The following TUT4 variants were observed in gnomAD, a reference collection of about 807,000 sequenced individuals.
TUT4 encodes the protein terminal uridylyltransferase 4.
TUT4 carries 36 observed loss-of-function variants against 192.2 expected under a neutral mutation model. The observed-to-expected ratio is 0.19, with a 90% CI of 0.14 to 0.25. The LOEUF (loss-of-function observed/expected upper bound fraction) is 0.25. Ranked by LOEUF, TUT4 falls within the 10% of genes least tolerant of loss-of-function variation. The pLI, the probability that TUT4 is intolerant of heterozygous loss-of-function variation, is 1.00. For missense variants in TUT4, 1,493 were observed against 1,957.2 expected (o/e 0.76, Z 4.47); for synonymous variants, 618 against 666.0 (o/e 0.93, Z 1.11).
chr1:52,492,617 A>T (rs1442277348), intron 7 of TUT4, among the ~76,000 whole-genome samples: 1 of 152,244 alleles, frequency 6.6e-6, no homozygotes, highest in East Asian at 1.9e-4. Context: ...CAGAACTAAA[A>T]TCTGAGCCCA....
intron 1 of TUT4, among the ~76,000 whole-genome samples, chr1:52,552,179 G>GTC (rs1689618921): frequency 6.6e-6 from 1 of 152,216 alleles, no homozygotes; most frequent in South Asian, 2.1e-4. Flanking sequence ...ATTCAAGTAC[G>GTC]ACTAGAAATC....
intron 28 of TUT4, among the ~76,000 whole-genome samples, chr1:52,426,949 C>T (rs1650169309): frequency 6.6e-6 from 1 of 151,362 alleles, no homozygotes; most frequent in Non-Finnish European, 1.5e-5. Context: ...TCAGTCCTTC[C>T]ATTTTCAACA....
At chr1:52,509,518 A>T in intron 4 of TUT4, 78 bp downstream of exon 4, 1 of 864,610 alleles carries the variant, frequency 1.2e-6, no homozygotes, top group Non-Finnish European at 1.8e-6. Flanking sequence ...TTTCATTTTT[A>T]GTTTCACAAA....
In TUT4 at chr1:52,446,554, G is replaced by T. The variant is rs755408163; in HGVS notation, c.3513+36C>A. 4 of 1,551,684 alleles carry T rather than the reference G, an allele frequency of 2.6e-6. No individual in the cohort carries two copies. In the South Asian group the frequency reaches 3.6e-5, roughly 14 times the overall value. On this transcript the variant is annotated intron_variant, in intron 21 of 29. Transcript: ENST00000257177. Reference sequence around the variant, plus strand: ...TATACAGATGCTAACATATATCAGTGAGCATTCTAGAACATAAAGACTATT... The same window carrying T: ...TATACAGATGCTAACATATATCAGTTAGCATTCTAGAACATAAAGACTATT...
chr1:52,446,838 C>T (rs1207436219), intron 20 of TUT4, among the ~76,000 whole-genome samples, 171 bp from the exon 21 acceptor site: 1 of 152,076 alleles, frequency 6.6e-6, no homozygotes, highest in African/African-American at 2.4e-5. Flanking sequence ...ATGAATAAAA[C>T]GTATCTGAAA....
chr1:52,472,877 A>G (rs879506450), intron 13 of TUT4, among the ~76,000 whole-genome samples: 3 of 152,132 alleles, frequency 2.0e-5, no homozygotes, highest in African/African-American at 2.4e-5. Flanking sequence ...TCTTTCTCCA[A>G]TGTTAGCCTG....
rs745476686 is a variant in TUT4, at chr1:52,493,611, C to T, written c.1318G>A (p.Val440Ile). Residue 440 changes from valine (V) to isoleucine (I), a missense_variant and splice_region_variant, in exon 7 of 30, where the codon GTA becomes ATA. Coordinates refer to ENST00000257177, the MANE Select transcript of TUT4 (RefSeq NM_001009881.3). ...GAAAAGAAAAAGAAAAGAAACTCAC[C>T]ATTTTTCTTTAAAATCCCAAGTACT... The part of the protein sequence containing the change: ...IKVLGILKKN[V>I]LYVDVESDFH... The T allele has an allele frequency of 6.8e-7, 1 of 1,478,150 alleles. No individual in the cohort carries two copies. The highest frequency in any genetic ancestry group is 1.2e-5 in the South Asian group (1 of 80,522). 91.6% of individuals were successfully genotyped at this position (1,478,150 alleles called of 1,614,324 possible).
chr1:52,474,958 G>C lies in TUT4; in HGVS notation c.2601C>G (p.Thr867=). ...AGTTGCAAGAGGTAGCAGATGTGTC[G>C]GTGCACACACTCTGATGTGAACTCT... ...ETESSHQSVC[T]DTSATSCNCK... The change falls in exon 13 of 30, where the codon ACC becomes ACG. Residue 867 remains threonine, a synonymous_variant. Coordinates refer to ENST00000257177, the MANE Select transcript of TUT4 (RefSeq NM_001009881.3). The C allele has an allele frequency of 6.2e-7, 1 of 1,614,082 alleles. No individual in the cohort carries two copies. Among genetic ancestry groups the C allele is most frequent in the South Asian group, 1.1e-5 (1 of 91,088 alleles).
rs763187980 is a variant in TUT4 at position 52,526,200 on chromosome 1, T to C, written c.81A>G (p.Gln27=). Residue 27 remains glutamine (Q), a synonymous_variant, in exon 2 of 30, where the codon CAA becomes CAG. Transcript: ENST00000257177. ...NVICEESKAV[Q]VIGNQTLKAR... is the part of the protein sequence containing the mutation. ...CTTTCAATGTTTGATTACCTATAAC[T>C]TGAACTGCTTTGCTTTCTTCACAAA... is the stretch of plus-strand genomic sequence containing the variant. The C allele has an allele frequency of 5.6e-6, 9 of 1,607,668 alleles. No homozygotes were observed. The highest frequency in any genetic ancestry group is 1.7e-4 in the Middle Eastern group (1 of 6,044).
intron 24 of TUT4, among the ~76,000 whole-genome samples, chr1:52,444,845 T>A (rs1656892238): frequency 6.6e-6 from 1 of 151,288 alleles, no homozygotes; most frequent in African/African-American, 2.4e-5. Flanking sequence ...GACACTCTAT[T>A]ATGGGACCTT....
chr1:52,425,681 T>C (rs1394018773), intron 28 of TUT4, among the ~76,000 whole-genome samples, 174 bp from the exon 29 acceptor site: 1 of 152,180 alleles, frequency 6.6e-6, no homozygotes, highest in Non-Finnish European at 1.5e-5. Context: ...TTGCTCAAAT[T>C]ATTCATAAGA....
chr1:52,522,141 T>C (rs1035894218), intron 2 of TUT4, among the ~76,000 whole-genome samples: 1 of 152,144 alleles, frequency 6.6e-6, no homozygotes, highest in Non-Finnish European at 1.5e-5. Flanking sequence ...ACTATACATA[T>C]CATATTATAC....
chr1:52,437,078 C>G, intron 25 of TUT4, 100 bp from the exon 26 acceptor site: 1 of 1,460,552 alleles, frequency 6.8e-7, no homozygotes, highest in Non-Finnish European at 9.1e-7. Flanking sequence ...ACATGCCCAT[C>G]ATTTCATGCG....
intron 1 of TUT4, among the ~76,000 whole-genome samples, chr1:52,531,885 C>CTTTTTTTTTT (rs1158088077): frequency 4.9e-5 from 4 of 80,830 alleles, no homozygotes; most frequent in Non-Finnish European, 6.8e-5. Context: ...CTTTTCTCAT[C>CTTTTTTTTTT]TTTTTTTTTT....
chr1:52,522,936 A>G (rs899321062), intron 2 of TUT4, among the ~76,000 whole-genome samples: 6 of 151,418 alleles, frequency 4.0e-5, no homozygotes, highest in Non-Finnish European at 7.4e-5. Context: ...AAAAATAAAT[A>G]ATCTTTAAAT....
At chr1:52,431,742 T>G in intron 27 of TUT4, 1 of 210,400 alleles carries the variant, frequency 4.8e-6, no homozygotes, top group East Asian at 1.1e-4. Context: ...AAATATCTCA[T>G]AGTCACTTTC....
In TUT4 at chr1:52,526,107, AT is replaced by A; in HGVS notation, c.173del (p.Asn58IlefsTer8). On this transcript the variant is annotated frameshift_variant, in exon 2 of 30. Coordinates refer to ENST00000257177, the MANE Select transcript of TUT4 (RefSeq NM_001009881.3). LOFTEE classifies it high-confidence loss of function. Reference protein sequence around the residue: ...SSPNRNSSKKNKQNDICIEKT... With the variant: ...SSPNRNSSKKXKQNDICIEKT... ...TTTCTATACAAATATCATTTTGCTT[AT>A]TTTTTTTACTACTATTCCTATTTGG... The A allele has an allele frequency of 3.7e-6, 6 of 1,607,960 alleles. No individual in the cohort carries two copies. Among genetic ancestry groups the A allele is most frequent in the South Asian group, 3.4e-5 (3 of 89,046 alleles).
chr1:52,428,417 A>T (rs914756882), intron 28 of TUT4, among the ~76,000 whole-genome samples: 3 of 152,136 alleles, frequency 2.0e-5, no homozygotes, highest in Non-Finnish European at 4.4e-5. Context: ...ATTTGAGGTC[A>T]GAAGTTCAAG....
intron 1 of TUT4, among the ~76,000 whole-genome samples, chr1:52,532,164 T>A (rs1683645158): frequency 6.6e-6 from 1 of 151,924 alleles, no homozygotes; most frequent in Non-Finnish European, 1.5e-5. Context: ...CACGCCTGCC[T>A]CTAATCTGTT....
Sources: gnomAD v4.1 joint callset for allele counts (sites outside exome capture counted in the v4.1 genomes callset) on GRCh38, gnomAD v4.1.1 for gene constraint, MANE v1.5 for transcripts, NCBI Gene and HGNC (gene_info 2026-07-23, HGNC 2026-07-21) for gene names.